KLRB1: variants seen among roughly 807,000 people sequenced by gnomAD.
The protein encoded by KLRB1 is killer cell lectin-like receptor subfamily B member 1.
A neutral mutation model predicts 33.5 loss-of-function variants in KLRB1; 27 were observed. The observed-to-expected ratio is 0.81, with a 90% CI of 0.59 to 1.11. The LOEUF (loss-of-function observed/expected upper bound fraction) is 1.11. Among genes scored for constraint, KLRB1 ranks in the 50% most tolerant of loss-of-function variants. KLRB1 has a pLI of 0.00. For synonymous variants in KLRB1, 64 were observed against 88.9 expected (o/e 0.72, Z 1.58); for missense variants, 241 against 254.1 (o/e 0.95, Z 0.35).
intron 5 of KLRB1, 74 bp downstream of exon 5, chr12:9,597,972 A>G (rs755581395): frequency 3.0e-5 from 21 of 704,660 alleles, no homozygotes; most frequent in Non-Finnish European, 4.6e-5. Context: ...ACAAAACTCA[A>G]TCTTCAGTGT....
At chr12:9,599,232 A>G (rs1412564389) in intron 3 of KLRB1, among the ~76,000 whole-genome samples, 1 of 152,214 alleles carries the variant, frequency 6.6e-6, no homozygotes, top group African/African-American at 2.4e-5. Flanking sequence ...TTCCAGAAGG[A>G]CTTTCAGGTT....
At position 9,601,513 on chromosome 12, in the gene KLRB1, A is replaced by T. The variant is rs1224629505; in HGVS notation, c.172T>A (p.Leu58Met). ...GTGCCCCACTTACCTGAAACACTCAACCCAGTAACAACCAAGACAAGGAGA... is the reference window on the plus strand; with the variant it reads ...GTGCCCCACTTACCTGAAACACTCATCCCAGTAACAACCAAGACAAGGAGA... ...IILLVLVVTG[L>M]SVSVTSLIQK... The change falls in exon 2 of 6, where the codon TTG becomes ATG. Residue 58 changes from leucine (L) to methionine (M), a missense_variant. Transcript: ENST00000229402. The T allele has an allele frequency of 5.0e-6, 8 of 1,612,226 alleles. No homozygotes were observed. The Admixed American group carries it at 1.2e-4, about 24-fold the overall frequency.
intron 5 of KLRB1, among the ~76,000 whole-genome samples, chr12:9,596,285 C>T (rs1326462883): frequency 6.6e-6 from 1 of 152,182 alleles, no homozygotes; most frequent in African/African-American, 2.4e-5. Flanking sequence ...AAACCAAGAA[C>T]TTCTTTCAAC....
chr12:9,607,332 T>TTTCCTTCCTTCCTGCCTGCC lies in KLRB1; in HGVS notation c.85+422_85+423insGGCAGGCAGGAAGGAAGGAA, dbSNP rs200381621. 1.1e-3 allele frequency among the ~76,000 whole-genome samples: 64 copies of TTTCCTTCCTTCCTGCCTGCC among 58,592 alleles called. 1 individual carries two copies. Among genetic ancestry groups the TTTCCTTCCTTCCTGCCTGCC allele is most frequent in the Non-Finnish European group, 2.2e-3 (55 of 24,750 alleles). 38.4% of individuals were successfully genotyped at this position (58,592 alleles called of 152,430 possible). A position where few individuals can be genotyped will look rare whatever the true frequency, so the allele number is the denominator to read the frequency against. Reference sequence around the variant, plus strand: ...TTCTTTCTTCTTTTCTTTCTCTTTCTTTCCTTTCTTTCTTTCTTTCTTCCT... The same window carrying TTTCCTTCCTTCCTGCCTGCC: ...TTCTTTCTTCTTTTCTTTCTCTTTCTTTCCTTCCTTCCTGCCTGCCTTCCTTTCTTTCTTTCTTTCTTCCT... On this transcript the variant is annotated intron_variant, in intron 1 of 5. Transcript: ENST00000229402.
At chr12:9,607,335 C>CCTTCCTTTCTTT (rs1864621978) in intron 1 of KLRB1, among the ~76,000 whole-genome samples, 3 of 65,270 alleles carry the variant, frequency 4.6e-5, no homozygotes, top group African/African-American at 1.3e-4. Context: ...CTCTTTCTTT[C>CCTTCCTTTCTTT]CTTTCTTTCT....
intron 1 of KLRB1, among the ~76,000 whole-genome samples, chr12:9,606,754 ATATATATTT>A (rs1396862144): frequency 4.8e-3 from 121 of 25,360 alleles, no homozygotes; most frequent in Non-Finnish European, 7.4e-3. Flanking sequence ...ATATATATAT[ATATATATTT>A]TTTTTTTTTT....
intron 1 of KLRB1, among the ~76,000 whole-genome samples, chr12:9,602,372 A>C (rs1591657183): frequency 6.6e-6 from 1 of 152,172 alleles, no homozygotes; most frequent in African/African-American, 2.4e-5. Flanking sequence ...CAACTTTATC[A>C]ATGTATTTTG....
intron 5 of KLRB1, among the ~76,000 whole-genome samples, chr12:9,597,726 A>G (rs1179103224): frequency 6.6e-6 from 1 of 152,182 alleles, no homozygotes; most frequent in Non-Finnish European, 1.5e-5. Context: ...GAAAAATACA[A>G]CGTAAGACAT....
rs1433992838 is a variant in KLRB1, at chr12:9,594,976, A to G, written c.*298T>C. 3.7e-6 allele frequency: 1 copy of G among 266,702 alleles called. No individual in the cohort carries two copies. The highest frequency in any genetic ancestry group is 2.2e-5 in the African/African-American group (1 of 44,984). 16.5% of individuals were successfully genotyped at this position (266,702 alleles called of 1,614,324 possible). A position where few individuals can be genotyped will look rare whatever the true frequency, so the allele number is the denominator to read the frequency against. On this transcript the variant is annotated 3_prime_UTR_variant, in exon 6 of 6. Transcript: ENST00000229402. ...AATCTACAATTTCTCCACTGTTTTA[A>G]ACACAAAACAATCATATACCAATCT...
intron 1 of KLRB1, among the ~76,000 whole-genome samples, chr12:9,606,715 TAAAATATATGTATAAAAAGTA>T (rs1864606125): frequency 1.9e-5 from 1 of 51,664 alleles, no homozygotes; most frequent in Non-Finnish European, 4.1e-5. Flanking sequence ...ATAAAATATA[TAAAATATATGTATAAAAAGTA>T]TATATATATA....
intron 2 of KLRB1, among the ~76,000 whole-genome samples, chr12:9,600,990 T>C (rs1411594432): frequency 6.8e-6 from 1 of 147,638 alleles, no homozygotes; most frequent in East Asian, 2.0e-4. Flanking sequence ...CAATGGAATG[T>C]CTCGGTATAA....
chr12:9,599,820 G>T lies in KLRB1; in HGVS notation c.206C>A (p.Ser69Ter). The T allele has an allele frequency of 6.3e-7, 1 of 1,599,590 alleles. No homozygotes were observed. Among genetic ancestry groups the T allele is most frequent in the South Asian group, 1.1e-5 (1 of 90,786 alleles). The change falls in exon 3 of 6, where the codon TCA becomes TAA. Residue 69 changes from serine to a stop codon, truncating the protein, a stop_gained. Coordinates refer to ENST00000229402, the MANE Select transcript of KLRB1 (RefSeq NM_002258.3). LOFTEE classifies it high-confidence loss of function. ...SVSVTSLIQK[S>*]SIEKCSVDIQ... ...GTCCACACTGCATTTTTCTATTGATGATTTCTGTATTAAGGATGTCACTAG... is the reference window on the plus strand; with the variant it reads ...GTCCACACTGCATTTTTCTATTGATTATTTCTGTATTAAGGATGTCACTAG...
chr12:9,607,405 T>TTTCTTTCTTTCTTTCTTTCTTTCTTTTC (rs1565444748), intron 1 of KLRB1, among the ~76,000 whole-genome samples: 3 of 47,982 alleles, frequency 6.3e-5, no homozygotes, highest in Non-Finnish European at 1.5e-4. Flanking sequence ...TCTTTCTTTC[T>TTTCTTTCTTTCTTTCTTTCTTTCTTTTC]TTTCTTTCTT....
chr12:9,607,355 C>CCTTCCTTTCTTT (rs1864625911), intron 1 of KLRB1, among the ~76,000 whole-genome samples: 2 of 52,706 alleles, frequency 3.8e-5, no homozygotes, highest in Non-Finnish European at 8.7e-5. Flanking sequence ...TTTCTTTCTT[C>CCTTCCTTTCTTT]CTTTCTTTCT....
rs1167539739 is a variant in KLRB1 at position 9,607,766 on chromosome 12, G to T, written c.74C>A (p.Ser25Tyr). The T allele has an allele frequency of 5.6e-6, 9 of 1,611,032 alleles. No individual in the cohort carries two copies. Among genetic ancestry groups the T allele is most frequent in the Non-Finnish European group, 6.8e-6 (8 of 1,177,410 alleles). ...DSGPESSSPS[S>Y]LPRDVCQGSP... is the part of the protein sequence containing the mutation. ...TTAAAGCCACTTACCCCGAGGAAGA[G>T]ATGAAGGTGAAGAACTTTCTGGGCC... Residue 25 changes from serine to tyrosine, a missense_variant, in exon 1 of 6, where the codon TCT becomes TAT. Ser to Tyr is a moderately radical substitution (Grantham distance 144). Transcript: ENST00000229402.
chr12:9,599,560 T>C (rs779118724), intron 3 of KLRB1, among the ~76,000 whole-genome samples: 2 of 152,332 alleles, frequency 1.3e-5, no homozygotes, highest in Non-Finnish European at 2.9e-5. Flanking sequence ...TCAGACCACT[T>C]ACATATAATT....
chr12:9,599,849 A>C lies in KLRB1; in HGVS notation c.185-8T>G, dbSNP rs1427477488. 6.6e-7 allele frequency: 1 copy of C among 1,519,110 alleles called. No individual in the cohort carries two copies. Among genetic ancestry groups the C allele is most frequent in the African/African-American group, 1.4e-5 (1 of 72,990 alleles). The allele number at this position is 1,519,110 out of a possible 1,614,324, so 94.1% of individuals were successfully genotyped here. A position where few individuals can be genotyped will look rare whatever the true frequency, so the allele number is the denominator to read the frequency against. ...TCTGTATTAAGGATGTCACTAGTAC[A>C]TAAGGAAAAACAAGAGTATTAAATG... On this transcript the variant is annotated splice_region_variant and splice_polypyrimidine_tract_variant and intron_variant, in intron 2 of 5. Coordinates refer to ENST00000229402, the MANE Select transcript of KLRB1 (RefSeq NM_002258.3).
Position 9,601,612 on chromosome 12 carries a change from AAAG to A in KLRB1, c.86-16_86-14del, listed in dbSNP as rs1864543680. On this transcript the variant is annotated splice_polypyrimidine_tract_variant and intron_variant, in intron 1 of 5. Coordinates refer to ENST00000229402, the MANE Select transcript of KLRB1 (RefSeq NM_002258.3). Reference sequence around the variant, plus strand: ...CCCTGACAGACATCTGAAAAGTTAAAAAGAAAAACACAAAAACAAACAAACAAA... The same window carrying A: ...CCCTGACAGACATCTGAAAAGTTAAAAAAAACACAAAAACAAACAAACAAA... 1 of 1,556,692 alleles carries A rather than the reference AAAG, an allele frequency of 6.4e-7. No homozygotes were observed. The highest frequency in any genetic ancestry group is 1.4e-5 in the African/African-American group (1 of 71,822).
At chr12:9,607,385 T>TC (rs1565444693) in intron 1 of KLRB1, among the ~76,000 whole-genome samples, 4 of 108,392 alleles carry the variant, frequency 3.7e-5, no homozygotes, top group African/African-American at 1.2e-4. Context: ...TCTTTCTTTC[T>TC]TTCTTTCTTT....
Sources: allele counts gnomAD v4.1 joint callset (sites outside exome capture counted in the v4.1 genomes callset), GRCh38; gene constraint gnomAD v4.1.1; transcripts MANE v1.5; gene names NCBI Gene and HGNC (gene_info 2026-07-23, HGNC 2026-07-21).